The following VPS36 variants were observed in gnomAD, a reference collection of about 807,000 sequenced individuals.
VPS36 encodes the protein vacuolar protein sorting 36 homolog.
Under a neutral mutation model 63.5 loss-of-function variants are expected in VPS36, and 31 were observed. The observed-to-expected ratio is 0.49, with a 90% CI of 0.37 to 0.66. The LOEUF (loss-of-function observed/expected upper bound fraction) is 0.66. Among genes scored for constraint, VPS36 ranks in the 30% least tolerant of loss-of-function variants. The pLI is 0.00. For synonymous variants in VPS36, 138 were observed against 157.2 expected (o/e 0.88, Z 0.91); for missense variants, 338 against 463.7 (o/e 0.73, Z 2.49).
rs2067849658 is a variant in VPS36, at chr13:52,413,702, AT to A, written c.*2127del. ...AAGTTAGGAAAACAAAAAAATAATA[AT>A]TATACCAGTGATAAGCACCAAGACA... On this transcript the variant is annotated 3_prime_UTR_variant, in exon 14 of 14. Transcript: ENST00000378060. 1 of 152,590 alleles carries A rather than the reference AT, an allele frequency of 6.6e-6. No homozygotes were observed. The highest frequency in any genetic ancestry group is 2.1e-4 in the South Asian group (1 of 4,826). The allele number at this position is 152,590 out of a possible 1,614,324, so 9.5% of individuals were successfully genotyped here.
intron 1 of VPS36, among the ~76,000 whole-genome samples, chr13:52,444,826 T>A (rs972816540): frequency 6.6e-6 from 1 of 152,058 alleles, no homozygotes; most frequent in African/African-American, 2.4e-5. Context: ...CTTTGTTACA[T>A]GTCTAATAAA....
intron 10 of VPS36, among the ~76,000 whole-genome samples, chr13:52,418,742 T>TAAAAATA (rs1958018496): frequency 6.6e-6 from 1 of 152,218 alleles, no homozygotes; most frequent in East Asian, 1.9e-4. Context: ...GTCTTCTGAA[T>TAAAAATA]CTGGTGCATT....
intron 6 of VPS36, among the ~76,000 whole-genome samples, chr13:52,433,283 T>TCTGGCCACAGA (rs1342599693): frequency 1.3e-5 from 2 of 152,212 alleles, no homozygotes; most frequent in Non-Finnish European, 2.9e-5. Flanking sequence ...TGGTGTGGTA[T>TCTGGCCACAGA]CTGGCCACAG....
Position 52,435,905 on chromosome 13 carries a change from C to T in VPS36, c.351+385G>A, listed in dbSNP as rs114354328. On this transcript the variant is annotated intron_variant, in intron 4 of 13. Coordinates refer to ENST00000378060, the MANE Select transcript of VPS36 (RefSeq NM_016075.4). ...ATTAACTGGAGTTAATCAAGACAGA[C>T]AGCCTGATTTAAAGCTGGGGAACCT... 7.2e-3 allele frequency: 1,180 copies of T among 163,628 alleles called. 7 individuals are homozygous for T. Among genetic ancestry groups the T allele is most frequent in the African/African-American group, 0.017 (711 of 42,050 alleles). 10.1% of individuals were successfully genotyped at this position (163,628 alleles called of 1,614,324 possible).
chr13:52,417,856 T>C (rs1460242536), intron 11 of VPS36, 136 bp downstream of exon 11: 3 of 674,572 alleles, frequency 4.4e-6, no homozygotes, highest in Non-Finnish European at 7.3e-6. Flanking sequence ...CCAGCCCTGA[T>C]AAACATGAAA....
chr13:52,425,046 G>T (rs1200459975), intron 9 of VPS36, among the ~76,000 whole-genome samples: 1 of 151,138 alleles, frequency 6.6e-6, no homozygotes, highest in African/African-American at 2.4e-5. Flanking sequence ...GGATCATGAG[G>T]TCAGGAGATT....
rs1028369384 is a variant in VPS36 at position 52,439,129 on chromosome 13, T to G, written c.205A>C (p.Ile69Leu). 2 of 1,613,864 alleles carry G rather than the reference T, an allele frequency of 1.2e-6. No homozygotes were observed. Among genetic ancestry groups the G allele is most frequent in the East Asian group, 2.2e-5 (1 of 44,866 alleles). ...CCAATTCCAGCCGCCTGTTCTTCAA[T>G]GAACACAATTTGGGAAAGGAGAATG... ...MAILLSQIVFIEEQAAGIGKS... is the reference protein window; with the variant it reads ...MAILLSQIVFLEEQAAGIGKS... The change falls in exon 3 of 14, where the codon ATT (isoleucine) becomes CTT (leucine). Residue 69 changes from isoleucine to leucine, a missense_variant. Coordinates refer to ENST00000378060, the MANE Select transcript of VPS36 (RefSeq NM_016075.4).
intron 11 of VPS36, 82 bp downstream of exon 11, chr13:52,417,910 G>T: frequency 8.4e-7 from 1 of 1,189,570 alleles, no homozygotes; most frequent in Non-Finnish European, 1.2e-6. Context: ...CACTAGGGAT[G>T]GCAAACTTGG....
chr13:52,417,727 A>G (rs1055323569), intron 11 of VPS36, among the ~76,000 whole-genome samples: 9 of 152,346 alleles, frequency 5.9e-5, no homozygotes, highest in Admixed American at 4.6e-4. Context: ...TCCAGAGACT[A>G]ACACAAAATG....
chr13:52,442,226 C>T, intron 2 of VPS36, 151 bp downstream of exon 2: 1 of 525,726 alleles, frequency 1.9e-6, no homozygotes, highest in Non-Finnish European at 3.2e-6. Context: ...TGGCTCACTC[C>T]TGTAGCCCCG....
intron 3 of VPS36, among the ~76,000 whole-genome samples, chr13:52,436,993 TA>T (rs1958225827): frequency 6.6e-6 from 1 of 151,900 alleles, no homozygotes; most frequent in African/African-American, 2.4e-5. Context: ...ATGACTATCA[TA>T]ATCTTCTATG....
At chr13:52,450,386 C>G (rs973473127) in intron 1 of VPS36, 113 bp downstream of exon 1, 13 of 1,288,424 alleles carry the variant, frequency 1.0e-5, no homozygotes, top group Non-Finnish European at 1.3e-5. Flanking sequence ...CGCCGAGGGC[C>G]GTGAGCTAAG....
At chr13:52,427,107 C>T (rs1191196160) in intron 7 of VPS36, 41 bp from the exon 8 acceptor site, 1 of 1,603,398 alleles carries the variant, frequency 6.2e-7, no homozygotes, top group Admixed American at 1.7e-5. Context: ...ACTATTGTCC[C>T]CAAAATGTCT....
In VPS36 at chr13:52,436,111, T is replaced by A. The variant is rs538090533; in HGVS notation, c.351+179A>T. 570 of 448,388 alleles carry A rather than the reference T, an allele frequency of 1.3e-3. 3 individuals carry two copies. The highest frequency in any genetic ancestry group is 0.011 in the Middle Eastern group (18 of 1,704). 27.8% of individuals were successfully genotyped at this position (448,388 alleles called of 1,614,324 possible). A position where few individuals can be genotyped will look rare whatever the true frequency, so the allele number is the denominator to read the frequency against. On this transcript the variant is annotated intron_variant, in intron 4 of 13. Coordinates refer to ENST00000378060, the MANE Select transcript of VPS36 (RefSeq NM_016075.4). The stretch of plus-strand genomic sequence containing the variant: ...TCCCACTGAAACCTAAACTTCATAT[T>A]CTCCACTCACTGCTAAGGCTTAAGA...
intron 6 of VPS36, among the ~76,000 whole-genome samples, chr13:52,429,720 G>A (rs1227837214): frequency 1.3e-5 from 2 of 152,120 alleles, no homozygotes; most frequent in Non-Finnish European, 2.9e-5. Flanking sequence ...AAAAAAATTA[G>A]ACTGAAACAA....
chr13:52,418,468 G>C (rs1394740311), intron 10 of VPS36, among the ~76,000 whole-genome samples: 1 of 150,120 alleles, frequency 6.7e-6, no homozygotes, highest in African/African-American at 2.5e-5. Context: ...CCAGCTACTC[G>C]AGAGGCTAAG....
Position 52,439,161 on chromosome 13 carries a change from C to CA in VPS36, c.172dup (p.Cys58LeufsTer13), listed in dbSNP as rs778681609. On this transcript the variant is annotated frameshift_variant, in exon 3 of 14. Coordinates refer to ENST00000378060, the MANE Select transcript of VPS36 (RefSeq NM_016075.4). LOFTEE classifies it high-confidence loss of function. ...AATTTGGGAAAGGAGAATGGCCATG[C>CA]AACACTCCTAGGAGGAAATCAATAG... is the stretch of plus-strand genomic sequence containing the variant. 1 of 1,613,612 alleles carries CA rather than the reference C, an allele frequency of 6.2e-7. No individual in the cohort carries two copies. The highest frequency in any genetic ancestry group is 8.5e-7 in the Non-Finnish European group (1 of 1,179,808).
At chr13:52,429,530 T>C (rs559285896) in intron 6 of VPS36, 1 of 152,694 alleles carries the variant, frequency 6.5e-6, no homozygotes, top group East Asian at 1.9e-4. Flanking sequence ...CCTCTTTGCC[T>C]GCCTGTGTCT....
chr13:52,431,720 G>A (rs570417321), intron 6 of VPS36, among the ~76,000 whole-genome samples: 7 of 149,342 alleles, frequency 4.7e-5, no homozygotes, highest in African/African-American at 9.9e-5. Context: ...CCAAAATAGC[G>A]GCACTGCACT....
Sources: gnomAD v4.1 joint callset for allele counts (sites outside exome capture counted in the v4.1 genomes callset) on GRCh38, gnomAD v4.1.1 for gene constraint, MANE v1.5 for transcripts, NCBI Gene and HGNC (gene_info 2026-07-23, HGNC 2026-07-21) for gene names.